The following POLE3 variants were observed in gnomAD, a reference collection of about 807,000 sequenced individuals.
POLE3 encodes the protein DNA polymerase epsilon 3, accessory subunit.
In POLE3, 10 loss-of-function variants were observed where a neutral mutation model predicts 16.1. That is an observed-to-expected ratio of 0.62 (90% confidence interval 0.38 to 1.05). The LOEUF (loss-of-function observed/expected upper bound fraction) is 1.05. Ranked by LOEUF, POLE3 falls within the 50% of genes least tolerant of loss-of-function variation. The pLI, the probability that POLE3 is intolerant of heterozygous loss-of-function variation, is 0.01. For synonymous variants in POLE3, 83 were observed against 71.0 expected (o/e 1.17, Z -0.85); for missense variants, 169 against 185.0 (o/e 0.91, Z 0.50).
rs759370289 is a variant in POLE3 at position 113,410,324 on chromosome 9, C to A, written c.-31G>T. 5 of 1,603,986 alleles carry A rather than the reference C, an allele frequency of 3.1e-6. No individual in the cohort carries two copies. The highest frequency in any genetic ancestry group is 4.3e-6 in the Non-Finnish European group (5 of 1,174,380). On this transcript the variant is annotated 5_prime_UTR_variant, in exon 2 of 5. Transcript: ENST00000374171. The stretch of plus-strand genomic sequence containing the variant: ...CCGCTGGGGCTTAAACTCCCCTTCG[C>A]CTCCGCTTCAGGGAGCTACTGCGTC...
chr9:113,409,879 A>C (rs1361451796), intron 3 of POLE3, 151 bp from the exon 4 acceptor site: 1 of 754,900 alleles, frequency 1.3e-6, no homozygotes, highest in Non-Finnish European at 2.2e-6. Context: ...TGCACAAAAA[A>C]GCTAAAGCAA....
Position 113,410,044 on chromosome 9 carries a change from G to A in POLE3, c.152+11C>T, listed in dbSNP as rs757053012. 109 of 1,552,292 alleles carry A rather than the reference G, an allele frequency of 7.0e-5. 1 individual carries two copies. The South Asian group carries it at 1.1e-3, about 16-fold the overall frequency. ...ATCCCCGCGCCTCCCTTATGCCTCT[G>A]TCCCGCTCACCAGGATGTGGCGTAC... is the stretch of plus-strand genomic sequence containing the variant. On this transcript the variant is annotated intron_variant, in intron 3 of 4. Transcript: ENST00000374171.
At position 113,410,261 on chromosome 9, in the gene POLE3, G is replaced by A. The variant is rs1323193984; in HGVS notation, c.33C>T (p.Pro11=). The A allele has an allele frequency of 1.2e-6, 2 of 1,613,810 alleles. No individual in the cohort carries two copies. Among genetic ancestry groups the A allele is most frequent in the Non-Finnish European group, 8.5e-7 (1 of 1,179,986 alleles). ...TGATGATCCTGGTGATCACGGCATT[G>A]GGCAGGTTTAGGTCCTCGGGCCTCT... The part of the protein sequence containing the change: MAERPEDLNL[P]NAVITRIIKE... The change falls in exon 2 of 5, where the codon CCC becomes CCT. Residue 11 remains proline, a synonymous_variant. Transcript: ENST00000374171.
Position 113,410,136 on chromosome 9 carries a change from G to A in POLE3, c.71C>T (p.Pro24Leu), listed in dbSNP as rs780699725. ...CTCCTTGGAGATGTTGACACCGTCC[G>A]GGAGCTGCGAGGAGACCGGGGGTGA... ...VITRIIKEALPDGVNISKEAR... is the reference protein window; with the variant it reads ...VITRIIKEALLDGVNISKEAR... The change falls in exon 3 of 5, where the codon CCG becomes CTG. Residue 24 changes from proline to leucine, a missense_variant. Transcript: ENST00000374171. 21 of 1,599,666 alleles carry A rather than the reference G, an allele frequency of 1.3e-5. No homozygotes were observed. The highest frequency in any genetic ancestry group is 2.3e-5 in the East Asian group (1 of 44,390).
Position 113,408,232 on chromosome 9 carries a change from G to C in POLE3, c.*579C>G, listed in dbSNP as rs1827978475. ...AAGGTTTTGGGCCAAGTGGGTCTAT[G>C]AAAAACAAAATTCAGTTAATGCTTC... On this transcript the variant is annotated 3_prime_UTR_variant, in exon 5 of 5. Transcript: ENST00000374171. The C allele has an allele frequency of 6.6e-6, 1 of 152,326 alleles. No homozygotes were observed. The highest frequency in any genetic ancestry group is 1.5e-5 in the Non-Finnish European group (1 of 68,154). 9.4% of individuals were successfully genotyped at this position (152,326 alleles called of 1,614,324 possible). A position where few individuals can be genotyped will look rare whatever the true frequency, so the allele number is the denominator to read the frequency against.
At chr9:113,409,534 A>C (rs1301076748) in intron 4 of POLE3, 76 bp downstream of exon 4, 5 of 878,252 alleles carry the variant, frequency 5.7e-6, no homozygotes, top group Admixed American at 1.8e-5. Context: ...CCGCGCTGAG[A>C]AGGCTCAGGG....
Position 113,410,356 on chromosome 9 carries a change from T to G in POLE3, c.-63A>C. On this transcript the variant is annotated 5_prime_UTR_variant, in exon 2 of 5. Transcript: ENST00000374171. Reference sequence around the variant, plus strand: ...TTCAGGGAGCTACTGCGTCCGGACTTCCCGCGTCGCTACGGTCTGACCCTG... The same window carrying G: ...TTCAGGGAGCTACTGCGTCCGGACTGCCCGCGTCGCTACGGTCTGACCCTG... 2.1e-6 allele frequency: 3 copies of G among 1,461,450 alleles called. No homozygotes were observed. The highest frequency in any genetic ancestry group is 2.8e-6 in the Non-Finnish European group (3 of 1,057,088). The allele number at this position is 1,461,450 out of a possible 1,614,324, so 90.5% of individuals were successfully genotyped here.
At chr9:113,410,581 T>G in intron 1 of POLE3, 36 bp downstream of exon 1, 1 of 511,794 alleles carries the variant, frequency 2.0e-6, no homozygotes, top group South Asian at 2.7e-5. Context: ...TCCATTTCTC[T>G]GCTTCTCGCC....
At chr9:113,410,172 C>T (rs1284712864) in intron 2 of POLE3, 32 bp from the exon 3 acceptor site, 1 of 1,607,454 alleles carries the variant, frequency 6.2e-7, no homozygotes, top group East Asian at 2.2e-5. Context: ...GCAAAGCTGC[C>T]GTTCCAGCAC....
At chr9:113,409,513 C>A in intron 4 of POLE3, 97 bp downstream of exon 4, 1 of 750,078 alleles carries the variant, frequency 1.3e-6, no homozygotes, top group Non-Finnish European at 2.3e-6. Flanking sequence ...GCTTACTGGA[C>A]TTAAAGGGAC....
Position 113,408,916 on chromosome 9 carries a change from T to C in POLE3, c.339A>G (p.Lys113=). Residue 113 remains lysine (K), a synonymous_variant, in exon 5 of 5, where the codon AAA becomes AAG. Coordinates refer to ENST00000374171, the MANE Select transcript of POLE3 (RefSeq NM_017443.5). The part of the protein sequence containing the change: ...SEQKKKDKDK[K]TDSEEQDKSR... Reference sequence around the variant, plus strand: ...TCTTGTCTTGCTCTTCCGAGTCTGTTTTTTTGTCTTTGTCCTTCTTCTTTT... The same window carrying C: ...TCTTGTCTTGCTCTTCCGAGTCTGTCTTTTTGTCTTTGTCCTTCTTCTTTT... 1 of 1,613,438 alleles carries C rather than the reference T, an allele frequency of 6.2e-7. No individual in the cohort carries two copies. Among genetic ancestry groups the C allele is most frequent in the Non-Finnish European group, 8.5e-7 (1 of 1,179,650 alleles).
intron 3 of POLE3, 26 bp downstream of exon 3, chr9:113,410,029 C>T (rs1260110583): frequency 6.5e-7 from 1 of 1,537,246 alleles, no homozygotes; most frequent in African/African-American, 1.4e-5. Flanking sequence ...ATCCCCGCGC[C>T]TCCCTTATGC....
At position 113,409,592 on chromosome 9, in the gene POLE3, AGAC is replaced by A; in HGVS notation, c.271+15_271+17del. 7.0e-7 allele frequency: 1 copy of A among 1,422,252 alleles called. No individual in the cohort carries two copies. Among genetic ancestry groups the A allele is most frequent in the Non-Finnish European group, 9.9e-7 (1 of 1,005,740 alleles). The allele number at this position is 1,422,252 out of a possible 1,614,324, so 88.1% of individuals were successfully genotyped here. A position where few individuals can be genotyped will look rare whatever the true frequency, so the allele number is the denominator to read the frequency against. On this transcript the variant is annotated intron_variant, in intron 4 of 4. Coordinates refer to ENST00000374171, the MANE Select transcript of POLE3 (RefSeq NM_017443.5). ...ATGACCATCTTCTATGTGGTTTAGA[AGAC>A]AAGAGGCTCGTTACCTTCCAGAGCT...
chr9:113,410,072 C>A lies in POLE3; in HGVS notation c.135G>T (p.Val45=), dbSNP rs1451146804. ...SAISRAASVF[V]LYATSCANNF... is the part of the protein sequence containing the mutation. ...CCGCTCACCAGGATGTGGCGTACAG[C>A]ACGAAGACGCTGGCGGCGCGGGAGA... Residue 45 remains valine (V), a synonymous_variant, in exon 3 of 5, where the codon GTG becomes GTT. Coordinates refer to ENST00000374171, the MANE Select transcript of POLE3 (RefSeq NM_017443.5). 1.3e-6 allele frequency: 2 copies of A among 1,572,348 alleles called. No individual in the cohort carries two copies. Among genetic ancestry groups the A allele is most frequent in the South Asian group, 1.2e-5 (1 of 85,966 alleles).
At position 113,410,210 on chromosome 9, in the gene POLE3, C is replaced by A. The variant is rs187173294; in HGVS notation, c.66+18G>T. ...GCTTCCCTCCTGCCCGTTCGTCCGC[C>A]CCCCCCGAGCTGCTCACCGCCTCCT... is the stretch of plus-strand genomic sequence containing the variant. On this transcript the variant is annotated intron_variant, in intron 2 of 4. Coordinates refer to ENST00000374171, the MANE Select transcript of POLE3 (RefSeq NM_017443.5). 23 of 1,612,958 alleles carry A rather than the reference C, an allele frequency of 1.4e-5. No homozygotes were observed. The highest frequency in any genetic ancestry group is 4.0e-5 in the African/African-American group (3 of 75,030).
intron 1 of POLE3, 43 bp downstream of exon 1, chr9:113,410,574 A>C: frequency 1.9e-6 from 1 of 520,592 alleles, no homozygotes; most frequent in Non-Finnish European, 3.5e-6. Flanking sequence ...CCCCAGGTCC[A>C]TTTCTCTGCT....
Position 113,408,611 on chromosome 9 carries a change from C to G in POLE3, c.*200G>C. 2.1e-6 allele frequency: 1 copy of G among 485,240 alleles called. No homozygotes were observed. Among genetic ancestry groups the G allele is most frequent in the Non-Finnish European group, 3.7e-6 (1 of 269,304 alleles). 30.1% of individuals were successfully genotyped at this position (485,240 alleles called of 1,614,324 possible). A position where few individuals can be genotyped will look rare whatever the true frequency, so the allele number is the denominator to read the frequency against. On this transcript the variant is annotated 3_prime_UTR_variant, in exon 5 of 5. Transcript: ENST00000374171. ...GGCCATAACCTTCAGATTGATGAAG[C>G]AAAACAGGATTCTGCTACTCAGATG...
intron 3 of POLE3, 113 bp downstream of exon 3, chr9:113,409,942 C>T (rs1327251013): frequency 2.3e-6 from 2 of 884,978 alleles, no homozygotes; most frequent in Non-Finnish European, 3.5e-6. Flanking sequence ...TGGCAGAGGA[C>T]TGTGAACATG....
At chr9:113,409,537 G>A (rs1404090379) in intron 4 of POLE3, 73 bp downstream of exon 4, 4 of 904,744 alleles carry the variant, frequency 4.4e-6, no homozygotes, top group Non-Finnish European at 7.3e-6. Flanking sequence ...CGCTGAGAAG[G>A]CTCAGGGCCT....
Sources: allele counts gnomAD v4.1 joint callset, GRCh38; gene constraint gnomAD v4.1.1; transcripts MANE v1.5; gene names NCBI Gene and HGNC (gene_info 2026-07-23, HGNC 2026-07-21).